MUCL3: variants seen among roughly 807,000 people sequenced by gnomAD.
MUCL3 encodes the protein mucin like 3, also known as mucin-like protein 3.
Under a neutral mutation model 70.2 loss-of-function variants are expected in MUCL3, and 42 were observed. The observed-to-expected ratio is 0.60, with a 90% CI of 0.47 to 0.77. MUCL3 has a LOEUF of 0.77. MUCL3 is among the 30% of genes least tolerant of loss of function. The pLI is 0.00. For missense variants in MUCL3, 1,429 were observed against 1,670.0 expected (o/e 0.86, Z 2.52); for synonymous variants, 522 against 647.0 (o/e 0.81, Z 2.93).
chr6:30,947,703 C>T (rs1582253625), intron 1 of MUCL3, among the ~76,000 whole-genome samples: 1 of 151,022 alleles, frequency 6.6e-6, no homozygotes, highest in East Asian at 1.9e-4. Context: ...GACCCCCAAG[C>T]AGATATCTTT....
intron 1 of MUCL3, among the ~76,000 whole-genome samples, chr6:30,947,066 C>T (rs3130782): frequency 0.12 from 18,107 of 152,070 alleles, 1,172 homozygotes; most frequent in Non-Finnish European, 0.15. Context: ...GGAAGTTGAC[C>T]GCTTCTAAAG....
At position 30,952,161 on chromosome 6, in the gene MUCL3, GA is replaced by G; in HGVS notation, c.3703del (p.Thr1235GlnfsTer8). ...KAPVKSTENP[E>X]KTAAVTKTIK... The stretch of plus-strand genomic sequence containing the variant: ...CCCAGTAAAGTCCACAGAAAACCCA[GA>G]AAAAACAGCAGCAGTCACAAAGACT... On this transcript the variant is annotated frameshift_variant, in exon 2 of 3. Coordinates refer to ENST00000462446, the MANE Select transcript of MUCL3 (RefSeq NM_080870.4). LOFTEE classifies it high-confidence loss of function. 6.2e-7 allele frequency: 1 copy of G among 1,613,452 alleles called. No homozygotes were observed. Among genetic ancestry groups the G allele is most frequent in the Non-Finnish European group, 8.5e-7 (1 of 1,179,878 alleles).
intron 1 of MUCL3, among the ~76,000 whole-genome samples, chr6:30,945,591 G>T (rs1461592985): frequency 6.6e-6 from 1 of 151,870 alleles, no homozygotes; most frequent in Admixed American, 6.6e-5. Context: ...GGACTGCAGT[G>T]AGCTGTGACC....
chr6:30,952,383 A>C lies in MUCL3; in HGVS notation c.3919A>C (p.Lys1307Gln), dbSNP rs771583897. 3.7e-6 allele frequency: 6 copies of C among 1,614,100 alleles called. No homozygotes were observed. The South Asian group carries it at 6.6e-5, about 18-fold the overall frequency. Residue 1307 changes from lysine (K) to glutamine (Q), a missense_variant, in exon 2 of 3, where the codon AAA becomes CAA. Physicochemically the swap from Lys to Gln is moderately conservative, Grantham distance 53. Transcript: ENST00000462446. ...HPYLNKDGSQ[K>Q]GIHAGQMGEN... ...ATACCTCAATAAAGATGGCTCACAGAAAGGTATCCACGCTGGACAGATGGG... is the reference window on the plus strand; with the variant it reads ...ATACCTCAATAAAGATGGCTCACAGCAAGGTATCCACGCTGGACAGATGGG...
At chr6:30,952,747 G>T (rs531143923) in intron 2 of MUCL3, among the ~76,000 whole-genome samples, 1 of 152,074 alleles carries the variant, frequency 6.6e-6, no homozygotes, top group Non-Finnish European at 1.5e-5. Context: ...GAAAGTGTGG[G>T]GGGTGGAGAG....
chr6:30,946,887 AC>A (rs1160280874), intron 1 of MUCL3, among the ~76,000 whole-genome samples: 15 of 152,198 alleles, frequency 9.9e-5, no homozygotes, highest in Non-Finnish European at 1.8e-4. Context: ...ATAGTTCTCA[AC>A]CTCAACAGGT....
In MUCL3 at chr6:30,951,010, C is replaced by T; in HGVS notation, c.2546C>T (p.Ala849Val). 2 of 1,551,006 alleles carry T rather than the reference C, an allele frequency of 1.3e-6. No individual in the cohort carries two copies. The highest frequency in any genetic ancestry group is 1.7e-6 in the Non-Finnish European group (2 of 1,146,932). Residue 849 changes from alanine (A) to valine (V), a missense_variant, in exon 2 of 3, where the codon GCC becomes GTC. Transcript: ENST00000462446. ...CCTACAGAAAATAGAGAAAGCACAGCCAATGAGAAGACCACACCATTCCCA... is the reference window on the plus strand; with the variant it reads ...CCTACAGAAAATAGAGAAAGCACAGTCAATGAGAAGACCACACCATTCCCA... ...AEPTENREST[A>V]NEKTTPFPAE...
intron 1 of MUCL3, among the ~76,000 whole-genome samples, chr6:30,941,727 G>A (rs1315196298): frequency 2.0e-5 from 3 of 152,082 alleles, no homozygotes; most frequent in African/African-American, 7.2e-5. Flanking sequence ...CTCCCAAAGT[G>A]CTGGTATTAC....
chr6:30,941,457 C>CTTTTTTTTTTTT, intron 1 of MUCL3, among the ~76,000 whole-genome samples: 1 of 105,258 alleles, frequency 9.5e-6, no homozygotes, highest in Non-Finnish European at 2.0e-5. Context: ...TCTTCTTCTT[C>CTTTTTTTTTTTT]TTTTTTTTTT....
Position 30,948,821 on chromosome 6 carries a change from C to G in MUCL3, c.357C>G (p.Pro119=). Residue 119 remains proline, a synonymous_variant, in exon 2 of 3, where the codon CCC becomes CCG. Transcript: ENST00000462446. ...KSSTDNHEAP[P]TSEENSSNQG... is the part of the protein sequence containing the mutation. ...CTACAGATAATCATGAGGCTCCTCC[C>G]ACTTCTGAAGAAAACTCCAGCAACC... 3.2e-6 allele frequency: 5 copies of G among 1,551,668 alleles called. No individual in the cohort carries two copies. Among genetic ancestry groups the G allele is most frequent in the Non-Finnish European group, 4.4e-6 (5 of 1,146,980 alleles).
Position 30,952,420 on chromosome 6 carries a change from C to G in MUCL3, c.3956C>G (p.Ser1319Ter). The G allele has an allele frequency of 1.2e-6, 2 of 1,614,106 alleles. No individual in the cohort carries two copies. Among genetic ancestry groups the G allele is most frequent in the Non-Finnish European group, 8.5e-7 (1 of 1,180,016 alleles). Residue 1319 changes from serine to a stop codon, truncating the protein, a stop_gained, in exon 2 of 3, where the codon TCA (serine) becomes TGA (stop). Coordinates refer to ENST00000462446, the MANE Select transcript of MUCL3 (RefSeq NM_080870.4). LOFTEE classifies it high-confidence loss of function. Reference protein sequence around the residue: ...IHAGQMGENDSFPAWAIVIVV... With the variant: ...IHAGQMGEND The stretch of plus-strand genomic sequence containing the variant: ...GCTGGACAGATGGGAGAGAATGATT[C>G]ATTCCCTGCATGGGCCATAGTTATT...
intron 2 of MUCL3, 63 bp from the exon 3 acceptor site, chr6:30,952,908 G>A: frequency 6.3e-7 from 1 of 1,582,920 alleles, no homozygotes; most frequent in Non-Finnish European, 8.6e-7. Flanking sequence ...AAGACCTGAG[G>A]TGAGTGTTGT....
rs1760546605 is a variant in MUCL3, at chr6:30,949,998, A to G, written c.1534A>G (p.Thr512Ala). The stretch of plus-strand genomic sequence containing the variant: ...AAGGACCCCATTTGCCAATGAGAAA[A>G]CCACATCATCCTCAGCAGAGCCTAC... ...GQRTPFANEK[T>A]TSSSAEPTEH... The change falls in exon 2 of 3, where the codon ACC becomes GCC. Residue 512 changes from threonine (T) to alanine (A), a missense_variant. Transcript: ENST00000462446. 6.5e-7 allele frequency: 1 copy of G among 1,545,864 alleles called. No homozygotes were observed. The highest frequency in any genetic ancestry group is 8.7e-7 in the Non-Finnish European group (1 of 1,145,936).
At position 30,951,041 on chromosome 6, in the gene MUCL3, G is replaced by A; in HGVS notation, c.2577G>A (p.Glu859=). 6.5e-7 allele frequency: 1 copy of A among 1,549,804 alleles called. No homozygotes were observed. The highest frequency in any genetic ancestry group is 8.7e-7 in the Non-Finnish European group (1 of 1,146,884). ...AGAAGACCACACCATTCCCAGCAGA[G>A]CCTACAGAAAATAGAGAATGGACAG... The part of the protein sequence containing the change: ...ANEKTTPFPA[E]PTENREWTAN... The change falls in exon 2 of 3, where the codon GAG becomes GAA. Residue 859 remains glutamate, a synonymous_variant. Coordinates refer to ENST00000462446, the MANE Select transcript of MUCL3 (RefSeq NM_080870.4).
At chr6:30,952,837 T>G (rs1760780125) in intron 2 of MUCL3, 134 bp from the exon 3 acceptor site, 1 of 1,245,000 alleles carries the variant, frequency 8.0e-7, no homozygotes, top group Non-Finnish European at 1.1e-6. Context: ...TGGGACTCAT[T>G]GTATTGGACC....
chr6:30,945,122 C>T (rs566011917), intron 1 of MUCL3, among the ~76,000 whole-genome samples: 3 of 152,182 alleles, frequency 2.0e-5, no homozygotes, highest in South Asian at 2.1e-4. Context: ...TACTGAACAG[C>T]GGAAGTCGCC....
rs964337999 is a variant in MUCL3 at position 30,950,225 on chromosome 6, C to A, written c.1761C>A (p.Thr587=). ...LAEPTENGQR[T]PFANEKTTSS... is the part of the protein sequence containing the mutation. ...AGCCTACAGAAAATGGACAAAGGACCCCATTTGCCAATGAGAAGACCACAT... is the reference window on the plus strand; with the variant it reads ...AGCCTACAGAAAATGGACAAAGGACACCATTTGCCAATGAGAAGACCACAT... The change falls in exon 2 of 3, where the codon ACC becomes ACA. Residue 587 remains threonine (T), a synonymous_variant. Transcript: ENST00000462446. 3.9e-6 allele frequency: 6 copies of A among 1,548,308 alleles called. No individual in the cohort carries two copies. The Middle Eastern group carries it at 5.0e-4, about 130-fold the overall frequency.
Position 30,951,794 on chromosome 6 carries a change from G to A in MUCL3, c.3330G>A (p.Arg1110=). The change falls in exon 2 of 3, where the codon AGG becomes AGA. Residue 1110 remains arginine, a synonymous_variant. Coordinates refer to ENST00000462446, the MANE Select transcript of MUCL3 (RefSeq NM_080870.4). ...CAAAGCCTACAGAACATGGAGAAAG[G>A]ACCACATCACCCAATGACAAGATCA... ...SLAKPTEHGE[R]TTSPNDKITS... 6.4e-7 allele frequency: 1 copy of A among 1,562,262 alleles called. No homozygotes were observed. The highest frequency in any genetic ancestry group is 1.2e-5 in the South Asian group (1 of 84,748).
intron 1 of MUCL3, among the ~76,000 whole-genome samples, chr6:30,947,213 G>C (rs1795815771): frequency 6.6e-6 from 1 of 152,154 alleles, no homozygotes; most frequent in Non-Finnish European, 1.5e-5. Flanking sequence ...TGCTGCCAAG[G>C]AGATCAGGTA....
Sources: gnomAD v4.1 joint callset for allele counts (sites outside exome capture counted in the v4.1 genomes callset) on GRCh38, gnomAD v4.1.1 for gene constraint, MANE v1.5 for transcripts, NCBI Gene and HGNC (gene_info 2026-07-23, HGNC 2026-07-21) for gene names.